The following LCOR variants were observed in gnomAD, a reference collection of about 807,000 sequenced individuals.
LCOR encodes the protein ligand-dependent corepressor.
LCOR carries 14 observed loss-of-function variants against 64.4 expected under a neutral mutation model. The observed-to-expected ratio is 0.22, with a 90% CI of 0.14 to 0.34. The LOEUF (loss-of-function observed/expected upper bound fraction) is 0.34, where lower values mean the gene tolerates loss of function less well. LCOR is among the 10% of genes least tolerant of loss of function. The probability of loss-of-function intolerance (pLI) is 1.00; values close to 1 mark genes in which losing one functional copy is unlikely to be tolerated. For missense variants in LCOR, 1,686 were observed against 1,765.3 expected, an observed-to-expected ratio of 0.96 and a Z score of 0.80; for synonymous variants, 643 against 642.5, an observed-to-expected ratio of 1.00 and a Z score of -0.01.
intron 4 of LCOR, among the ~76,000 whole-genome samples, chr10:96,912,763 C>CATGCACTAATTTTAG (rs1564623551): frequency 3.2e-4 from 49 of 152,030 alleles, no homozygotes; most frequent in African/African-American, 1.1e-3. Context: ...ATTTTAGCAT[C>CATGCACTAATTTTAG]CATTGATGAA....
intron 4 of LCOR, among the ~76,000 whole-genome samples, chr10:96,932,182 G>A (rs948648682): frequency 1.3e-5 from 2 of 152,062 alleles, no homozygotes; most frequent in African/African-American, 4.8e-5. Context: ...TGCCACTGAC[G>A]ATAGATTTGA....
intron 7 of LCOR, among the ~76,000 whole-genome samples, chr10:96,969,946 ATTTTTTTTTTTT>A (rs751045855): frequency 1.5e-5 from 1 of 67,736 alleles, no homozygotes; most frequent in African/African-American, 5.9e-5. Flanking sequence ...CACCTGGATA[ATTTTTTTTTTTT>A]TTTTTTTTTT....
intron 4 of LCOR, among the ~76,000 whole-genome samples, chr10:96,924,452 G>C (rs887766554): frequency 1.3e-5 from 2 of 151,502 alleles, no homozygotes; most frequent in Non-Finnish European, 2.9e-5. Flanking sequence ...ATGTTGCCCA[G>C]GCTGGTCTCA....
intron 7 of LCOR, among the ~76,000 whole-genome samples, chr10:96,965,942 C>G (rs1255611582): frequency 6.6e-6 from 1 of 152,020 alleles, no homozygotes. Flanking sequence ...TTTAGCATCT[C>G]ATAAATGAAT....
intron 1 of LCOR, chr10:96,833,072 T>A (rs1845374089): frequency 1.0e-6 from 1 of 986,202 alleles, no homozygotes; most frequent in South Asian, 4.7e-5. Flanking sequence ...CTGCACTTCC[T>A]CAGCGGGCGG....
In LCOR at chr10:96,914,643, C is replaced by A. The variant is rs181857292; in HGVS notation, c.-184+6896C>A. 4.6e-4 allele frequency among the ~76,000 whole-genome samples: 70 copies of A among 152,364 alleles called. 2 individuals carry two copies. The highest frequency in any genetic ancestry group is 1.6e-3 in the African/African-American group (66 of 41,592). On this transcript the variant is annotated intron_variant, in intron 4 of 7. Transcript: ENST00000421806. ...GTTGTTAACAGTATAGAAGAACTTT[C>A]AAACTCCCTTCTTCAGTGGACTACC...
At chr10:96,943,128 C>T (rs374363166) in intron 4 of LCOR, among the ~76,000 whole-genome samples, 1 of 151,862 alleles carries the variant, frequency 6.6e-6, no homozygotes, top group African/African-American at 2.4e-5. Context: ...GAGACAAAGT[C>T]TTGCTGTGTC....
At chr10:96,978,572 G>A (rs192449686) in intron 7 of LCOR, among the ~76,000 whole-genome samples, 25 of 152,242 alleles carry the variant, frequency 1.6e-4, no homozygotes, top group Admixed American at 1.6e-3. Flanking sequence ...GAAAGTATGA[G>A]GTAGGCATTT....
At chr10:96,963,416 A>G (rs940908591) in intron 7 of LCOR, 1 of 152,184 alleles carries the variant, frequency 6.6e-6, no homozygotes, top group African/African-American at 2.4e-5. Context: ...CTACTACTAA[A>G]TTCAAGCACT....
intron 7 of LCOR, among the ~76,000 whole-genome samples, chr10:96,977,538 C>CA (rs972308829): frequency 3.3e-5 from 5 of 151,854 alleles, no homozygotes; most frequent in African/African-American, 7.3e-5. Context: ...AGACTTCCAT[C>CA]AAAAAAAATT....
In LCOR at chr10:96,873,567, CACACGTGTGT is replaced by C. The variant is rs1206316667; in HGVS notation, c.-329-33697_-329-33688del. 4.4e-3 allele frequency among the ~76,000 whole-genome samples: 521 copies of C among 118,414 alleles called. 6 individuals are homozygous for C. The highest frequency in any genetic ancestry group is 0.031 in the South Asian group (116 of 3,724). 77.7% of individuals were successfully genotyped at this position (118,414 alleles called of 152,430 possible). On this transcript the variant is annotated intron_variant, in intron 2 of 7. Transcript: ENST00000421806. ...TGTTTTGTTTTTCGATACACACACACACACGTGTGTGTGTGTGTGTGTGTGTGTGTGTGTG... is the reference window on the plus strand; with the variant it reads ...TGTTTTGTTTTTCGATACACACACACGTGTGTGTGTGTGTGTGTGTGTGTG...
intron 4 of LCOR, among the ~76,000 whole-genome samples, chr10:96,910,983 T>C (rs927054018): frequency 6.6e-6 from 1 of 152,162 alleles, no homozygotes; most frequent in African/African-American, 2.4e-5. Context: ...TAGTAAAAAT[T>C]TTTGAACTGC....
chr10:96,895,180 T>TC (rs908394835), intron 2 of LCOR, among the ~76,000 whole-genome samples: 2 of 152,216 alleles, frequency 1.3e-5, no homozygotes, highest in Admixed American at 1.3e-4. Context: ...TCTTCATAGA[T>TC]CTACTTTGAT....
chr10:96,889,271 A>T (rs185594200), intron 2 of LCOR, among the ~76,000 whole-genome samples: 1 of 152,190 alleles, frequency 6.6e-6, no homozygotes, highest in East Asian at 1.9e-4. Context: ...TTCATTTAGC[A>T]TATTTTTGAA....
chr10:96,956,452 CCTTTGA>C (rs1847785717), intron 7 of LCOR: 1 of 984,518 alleles, frequency 1.0e-6, no homozygotes, highest in East Asian at 1.1e-4. Context: ...GAACAATGAA[CCTTTGA>C]CTTTGAGAAA....
intron 7 of LCOR, among the ~76,000 whole-genome samples, chr10:96,968,623 AG>A (rs1051568827): frequency 8.5e-5 from 13 of 152,108 alleles, no homozygotes; most frequent in African/African-American, 3.1e-4. Context: ...GAATACCCCA[AG>A]TTTGAGAGAT....
chr10:96,885,964 G>A lies in LCOR; in HGVS notation c.-329-21301G>A, dbSNP rs529735142. Among the ~76,000 whole-genome samples, 15 of 152,076 alleles carry A rather than the reference G, an allele frequency of 9.9e-5. No homozygotes were observed. The South Asian group carries it at 2.7e-3, about 27-fold the overall frequency. ...GCAATCTCAGCTCACTGCAACCTCC[G>A]CCTCCCAGGTTCAAGCGATTCTTGT... On this transcript the variant is annotated intron_variant, in intron 2 of 7. Coordinates refer to ENST00000421806, the MANE Select transcript of LCOR (RefSeq NM_001346516.2).
chr10:96,843,027 T>C (rs965350249), intron 2 of LCOR, among the ~76,000 whole-genome samples: 1 of 152,256 alleles, frequency 6.6e-6, no homozygotes, highest in Admixed American at 6.5e-5. Flanking sequence ...TTCAGTTTGA[T>C]GATCTCTTGT....
rs1425390987 is a variant in LCOR at position 96,981,790 on chromosome 10, A to G, written c.1330A>G (p.Met444Val). 4 of 1,614,212 alleles carry G rather than the reference A, an allele frequency of 2.5e-6. No homozygotes were observed. Among genetic ancestry groups the G allele is most frequent in the Admixed American group, 1.7e-5 (1 of 60,020 alleles). ...KAANGHSRTK[M>V]ISTSIKTARK... ...GGCAAATGGACACTCAAGAACCAAG[A>G]TGATATCAACCTCCATCAAGACAGC... Residue 444 changes from methionine (M) to valine (V), a missense_variant, in exon 8 of 8, where the codon ATG becomes GTG. Transcript: ENST00000421806.
Sources: gnomAD v4.1 joint callset for allele counts (sites outside exome capture counted in the v4.1 genomes callset) on GRCh38, gnomAD v4.1.1 for gene constraint, MANE v1.5 for transcripts, NCBI Gene and HGNC (gene_info 2026-07-23, HGNC 2026-07-21) for gene names.